The following TEAD3 variants were observed in gnomAD, a reference collection of about 807,000 sequenced individuals.
The protein encoded by TEAD3 is TEA domain transcription factor 3, also known as transcriptional enhancer factor TEF-5.
In TEAD3, 15 loss-of-function variants were observed where a neutral mutation model predicts 55.6. The ratio of observed to expected loss-of-function variants is 0.27; its 90% confidence interval spans 0.18 to 0.42. TEAD3 has a LOEUF of 0.42. TEAD3 is among the 10% of genes least tolerant of loss of function. The pLI, the probability that TEAD3 is intolerant of heterozygous loss-of-function variation, is 1.00. For synonymous variants in TEAD3, 210 were observed against 232.2 expected, an observed-to-expected ratio of 0.90 and a Z score of 0.87; for missense variants, 407 against 576.8, an observed-to-expected ratio of 0.71 and a Z score of 3.01.
chr6:35,475,835 T>G lies in TEAD3; in HGVS notation c.900+84A>C. The stretch of plus-strand genomic sequence containing the variant: ...CACAAGCCATGAGGATGCAGCAGGG[T>G]CAGAGGTCAATGCAGTGGGCCTGGA... On this transcript the variant is annotated intron_variant, in intron 10 of 12. Coordinates refer to ENST00000639578, the Ensembl canonical transcript of TEAD3. The surrounding 1 kb of genome is among the most constrained non-coding windows in gnomAD (Gnocchi z 5.4). The G allele has an allele frequency of 2.0e-6, 3 of 1,500,030 alleles. No homozygotes were observed. The South Asian group carries it at 4.0e-5, about 20-fold the overall frequency. 92.9% of individuals were successfully genotyped at this position (1,500,030 alleles called of 1,614,324 possible). A position where few individuals can be genotyped will look rare whatever the true frequency, so the allele number is the denominator to read the frequency against.
At chr6:35,494,865 A>C in intron 1 of TEAD3, among the ~76,000 whole-genome samples, 1 of 130,710 alleles carries the variant, frequency 7.7e-6, no homozygotes, top group African/African-American at 2.8e-5. Flanking sequence ...CTGTCCCTTG[A>C]CACCTGCCCC....
downstream of TEAD3, chr6:35,473,985 G>A (rs1166714142): frequency 1.3e-5 from 2 of 152,396 alleles, no homozygotes; most frequent in Non-Finnish European, 2.9e-5. Context: ...CCCAGAACTG[G>A]GTCTGGGAGC....
intron 1 of TEAD3, among the ~76,000 whole-genome samples, chr6:35,487,500 C>T (rs1326829082): frequency 2.9e-5 from 4 of 139,818 alleles, no homozygotes; most frequent in Non-Finnish European, 6.0e-5. Flanking sequence ...TGCAGTGAGC[C>T]GAGATCACGT....
chr6:35,489,106 G>A (rs1189652685), intron 1 of TEAD3, among the ~76,000 whole-genome samples: 2 of 152,162 alleles, frequency 1.3e-5, no homozygotes, highest in East Asian at 3.8e-4. Context: ...TATTCAACTA[G>A]TTATTGTAAT....
In TEAD3 at chr6:35,476,003, A is replaced by C; in HGVS notation, c.816T>G (p.Tyr272Ter). ...CTCCCTTTTTCTCGGGGAATTTGTC[A>C]TAGATCTGGCGCACATCTACTGCCT... Residue 272 changes from tyrosine (Y) to a stop codon, truncating the protein, a stop_gained, in exon 10 of 13, where the codon TAT becomes TAG. Transcript: ENST00000639578. LOFTEE classifies it high-confidence loss of function. The C allele has an allele frequency of 6.4e-7, 1 of 1,566,900 alleles. No individual in the cohort carries two copies. The highest frequency in any genetic ancestry group is 8.6e-7 in the Non-Finnish European group (1 of 1,158,386).
chr6:35,484,680 G>A lies in TEAD3; in HGVS notation c.203-56C>T, dbSNP rs1007741444. The stretch of plus-strand genomic sequence containing the variant: ...TGGGCAAAGGGTGGAGCCAGAGGCT[G>A]GAGGCCCCCACCCCACCGGGAAGCC... On this transcript the variant is annotated intron_variant, in intron 2 of 12. Transcript: ENST00000639578. The surrounding 1 kb of genome is among the most constrained non-coding windows in gnomAD (Gnocchi z 5.8). 10 of 1,501,770 alleles carry A rather than the reference G, an allele frequency of 6.7e-6. No individual in the cohort carries two copies. In the Admixed American group the frequency reaches 1.2e-4, roughly 18 times the overall value. The allele number at this position is 1,501,770 out of a possible 1,614,324, so 93.0% of individuals were successfully genotyped here.
Position 35,496,771 on chromosome 6 carries a change from C to T in TEAD3, c.-50+127G>A, listed in dbSNP as rs1768673999. On this transcript the variant is annotated intron_variant, in intron 1 of 12. Coordinates refer to ENST00000639578, the Ensembl canonical transcript of TEAD3. The surrounding 1 kb of genome is among the most constrained non-coding windows in gnomAD (Gnocchi z 4.8). Reference sequence around the variant, plus strand: ...CTTCCCGGCACCCCGATCCGGGGCTCCAGCTCCGGCTGGACAATAGCTCGG... The same window carrying T: ...CTTCCCGGCACCCCGATCCGGGGCTTCAGCTCCGGCTGGACAATAGCTCGG... 1.3e-5 allele frequency: 2 copies of T among 152,290 alleles called. No individual in the cohort carries two copies. Among genetic ancestry groups the T allele is most frequent in the African/African-American group, 4.8e-5 (2 of 41,426 alleles). 9.4% of individuals were successfully genotyped at this position (152,290 alleles called of 1,614,324 possible).
downstream of TEAD3, chr6:35,474,874 G>C: frequency 1.6e-6 from 1 of 606,208 alleles, no homozygotes; most frequent in Non-Finnish European, 2.9e-6. Context: ...TTAAAGCGCA[G>C]AACAGTGGCA....
At position 35,486,187 on chromosome 6, in the gene TEAD3, G is replaced by A. The variant is rs935901322; in HGVS notation, c.202+274C>T. On this transcript the variant is annotated intron_variant, in intron 2 of 12. Transcript: ENST00000639578. This position sits in a 1 kb window ranked among gnomAD's most constrained non-coding sequence, Gnocchi z 7.3. ...GCAGACTGGGCTGACCCACTTTCTT[G>A]GGCCCACTGAGTCACCTCGAAACCT... 6.6e-6 allele frequency among the ~76,000 whole-genome samples: 1 copy of A among 152,222 alleles called. No individual in the cohort carries two copies. The highest frequency in any genetic ancestry group is 2.1e-4 in the South Asian group (1 of 4,836).
chr6:35,477,635 C>A (rs2003407995), intron 7 of TEAD3, among the ~76,000 whole-genome samples: 1 of 109,928 alleles, frequency 9.1e-6, no homozygotes, highest in African/African-American at 3.6e-5. Context: ...TGAAAAGCTG[C>A]TCCTTAAGCT....
At chr6:35,494,704 CCA>C (rs1279244337) in intron 1 of TEAD3, among the ~76,000 whole-genome samples, 2 of 152,134 alleles carry the variant, frequency 1.3e-5, no homozygotes, top group Admixed American at 1.3e-4. Flanking sequence ...CCAGCGATTT[CCA>C]CACTGAGCCC....
chr6:35,481,790 G>A (rs144665664), intron 3 of TEAD3, among the ~76,000 whole-genome samples: 73 of 152,258 alleles, frequency 4.8e-4, no homozygotes, highest in African/African-American at 1.3e-3. Context: ...ACCAAGCTCC[G>A]TTACCAGGAC....
chr6:35,490,217 C>T (rs1380823820), intron 1 of TEAD3, among the ~76,000 whole-genome samples: 1 of 152,200 alleles, frequency 6.6e-6, no homozygotes, highest in African/African-American at 2.4e-5. Flanking sequence ...ATGTCAGCCC[C>T]GCCCCGCCCC....
chr6:35,474,852 CTT>C, downstream of TEAD3: 1 of 576,174 alleles, frequency 1.7e-6, no homozygotes, highest in Non-Finnish European at 3.1e-6. Context: ...CCTCTCCTCT[CTT>C]CTCCCACAAT....
intron 3 of TEAD3, 147 bp from the exon 4 acceptor site, chr6:35,480,521 C>T: frequency 1.2e-6 from 1 of 821,700 alleles, no homozygotes; most frequent in Admixed American, 2.6e-5. Flanking sequence ...CTTTTTGAAA[C>T]AGGGTTTATG....
chr6:35,487,265 A>T (rs1768404997), intron 1 of TEAD3, among the ~76,000 whole-genome samples: 2 of 151,908 alleles, frequency 1.3e-5, no homozygotes, highest in Admixed American at 1.3e-4. Flanking sequence ...ACCTAAAAAT[A>T]TATCAGGTCT....
At chr6:35,476,007 A>T (rs543421103) in exon 10 of TEAD3, 2 of 1,565,714 alleles carry the variant, frequency 1.3e-6, no homozygotes, top group African/African-American at 1.4e-5. Context: ...TTTGTCATAG[A>T]TCTGGCGCAC....
At chr6:35,494,477 G>A (rs1041307939) in intron 1 of TEAD3, among the ~76,000 whole-genome samples, 11 of 152,186 alleles carry the variant, frequency 7.2e-5, no homozygotes, top group African/African-American at 2.7e-4. Context: ...GGGAAGGCAG[G>A]GCAAGGCCCC....
rs1476787792 is a variant in TEAD3 at position 35,496,585 on chromosome 6, C to A, written c.-50+313G>T. Among the ~76,000 whole-genome samples the A allele has an allele frequency of 1.3e-5, 2 of 152,094 alleles. No homozygotes were observed. The highest frequency in any genetic ancestry group is 3.9e-4 in the East Asian group (2 of 5,164). On this transcript the variant is annotated intron_variant, in intron 1 of 12. Coordinates refer to ENST00000639578, the Ensembl canonical transcript of TEAD3. This position sits in a 1 kb window ranked among gnomAD's most constrained non-coding sequence, Gnocchi z 4.8. The stretch of plus-strand genomic sequence containing the variant: ...CCACACTGTGCGGCCCCCGGATCCC[C>A]GCCCCGACCCCCCAAGCACGGACGG...
Sources: allele counts gnomAD v4.1 joint callset (sites outside exome capture counted in the v4.1 genomes callset), GRCh38; gene constraint gnomAD v4.1.1; non-coding constraint Gnocchi (gnomAD v3.1); transcripts MANE v1.5; gene names NCBI Gene and HGNC (gene_info 2026-07-23, HGNC 2026-07-21).